The following SVOPL variants were observed in gnomAD, a reference collection of about 807,000 sequenced individuals.
SVOPL encodes the protein putative transporter SVOPL.
SVOPL carries 60 observed loss-of-function variants against 61.0 expected under a neutral mutation model. The observed-to-expected ratio is 0.98, with a 90% CI of 0.80 to 1.22. The LOEUF is 1.22. SVOPL is among the 50% of genes most tolerant of loss of function. The probability of loss-of-function intolerance (pLI) is 0.00; values close to 1 mark genes in which losing one functional copy is unlikely to be tolerated. For synonymous variants in SVOPL, 279 were observed against 250.0 expected, an observed-to-expected ratio of 1.12 and a Z score of -1.09; for missense variants, 662 against 643.9, an observed-to-expected ratio of 1.03 and a Z score of -0.30.
At chr7:138,676,206 C>T (rs560777825) in intron 3 of SVOPL, among the ~76,000 whole-genome samples, 2 of 152,336 alleles carry the variant, frequency 1.3e-5, no homozygotes, top group East Asian at 3.9e-4. Flanking sequence ...GGTTCACAGA[C>T]ATCACCACTG....
At chr7:138,671,884 G>C in intron 4 of SVOPL, 135 bp downstream of exon 4, 1 of 704,744 alleles carries the variant, frequency 1.4e-6, no homozygotes, top group Non-Finnish European at 2.4e-6. Flanking sequence ...GACATCAAAT[G>C]CTGCAAACCC....
At chr7:138,656,790 C>G (rs1323481343) in intron 6 of SVOPL, among the ~76,000 whole-genome samples, 3 of 152,176 alleles carry the variant, frequency 2.0e-5, no homozygotes, top group Non-Finnish European at 4.4e-5. Context: ...CACCTGTAAT[C>G]TCTGCACTTT....
intron 5 of SVOPL, chr7:138,662,369 G>A (rs11772054): frequency 0.021 from 20,353 of 985,372 alleles, 240 homozygotes; most frequent in Middle Eastern, 0.024. Context: ...AAACAGATAG[G>A]TGCCTGAGGG....
At chr7:138,652,066 A>AT (rs1018544428) in intron 7 of SVOPL, among the ~76,000 whole-genome samples, 7 of 144,428 alleles carry the variant, frequency 4.8e-5, no homozygotes, top group South Asian at 2.2e-4. Context: ...CACCCAGCCA[A>AT]TTTTTTTTTC....
intron 8 of SVOPL, 77 bp downstream of exon 8, chr7:138,648,935 A>G (rs1801277202): frequency 6.3e-7 from 1 of 1,593,788 alleles, no homozygotes. Context: ...GGGGAAAATA[A>G]AAGATATTTG....
intron 3 of SVOPL, among the ~76,000 whole-genome samples, chr7:138,673,352 A>G (rs1255069811): frequency 6.6e-6 from 1 of 152,184 alleles, no homozygotes; most frequent in Non-Finnish European, 1.5e-5. Context: ...ATCAGAAGTA[A>G]GAGAGCATAA....
chr7:138,665,968 G>A (rs11972681), intron 4 of SVOPL, among the ~76,000 whole-genome samples: 14,535 of 152,154 alleles, frequency 0.096, 1,238 homozygotes, highest in African/African-American at 0.22. Flanking sequence ...TTGAGCCCAG[G>A]AGCTCAAGGC....
intron 7 of SVOPL, among the ~76,000 whole-genome samples, chr7:138,651,740 A>G (rs931807250): frequency 6.6e-6 from 1 of 152,104 alleles, no homozygotes; most frequent in Non-Finnish European, 1.5e-5. Flanking sequence ...TATGAACTCA[A>G]TAGATGCTGT....
chr7:138,661,758 A>C, intron 5 of SVOPL: 1 of 878,196 alleles, frequency 1.1e-6, no homozygotes, highest in African/African-American at 1.8e-5. Flanking sequence ...TAAAAAACCC[A>C]CTTGTAACTG....
intron 1 of SVOPL, among the ~76,000 whole-genome samples, chr7:138,700,493 C>A (rs562816449): frequency 6.6e-6 from 1 of 152,052 alleles, no homozygotes; most frequent in East Asian, 1.9e-4. Flanking sequence ...CACCCACCAC[C>A]ATGCATGGCT....
At chr7:138,674,018 C>G (rs1024887703) in intron 3 of SVOPL, among the ~76,000 whole-genome samples, 1 of 151,948 alleles carries the variant, frequency 6.6e-6, no homozygotes, top group African/African-American at 2.4e-5. Flanking sequence ...AACCCTGTCT[C>G]TACTAAAAAT....
At chr7:138,618,758 A>G (rs1799417066) in intron 14 of SVOPL, among the ~76,000 whole-genome samples, 1 of 152,314 alleles carries the variant, frequency 6.6e-6, no homozygotes, top group Admixed American at 6.5e-5. Context: ...GGAAAGAAAG[A>G]AAAAAGAAAA....
rs1177090237 is a variant in SVOPL, at chr7:138,622,451, T to C, written c.1264-1316A>G. On this transcript the variant is annotated intron_variant, in intron 13 of 15. Coordinates refer to ENST00000674285, the MANE Select transcript of SVOPL (RefSeq NM_001139456.2). ...CTGGGATTACAGGCATGCACCACCG[T>C]GCCTGGCTAATTTTTGTATTTTTAG... Among the ~76,000 whole-genome samples, 8 of 151,298 alleles carry C rather than the reference T, an allele frequency of 5.3e-5. No homozygotes were observed. The East Asian group carries it at 1.6e-3, about 29-fold the overall frequency.
Position 138,678,431 on chromosome 7 carries a change from C to T in SVOPL, c.174+3G>A. 1.3e-6 allele frequency: 2 copies of T among 1,549,890 alleles called. No individual in the cohort carries two copies. The highest frequency in any genetic ancestry group is 1.7e-6 in the Non-Finnish European group (2 of 1,146,438). On this transcript the variant is annotated splice_donor_region_variant and intron_variant, in intron 3 of 15. Transcript: ENST00000674285. ...TTCGTCAACATCTCGAAGGAGCACT[C>T]ACCCCAGTACTGCCCATGATCAGAA... is the stretch of plus-strand genomic sequence containing the variant.
chr7:138,628,054 G>A (rs1799971153), intron 11 of SVOPL, 104 bp downstream of exon 11: 2 of 1,331,416 alleles, frequency 1.5e-6, no homozygotes, highest in African/African-American at 1.4e-5. Flanking sequence ...ATTCAGTTCT[G>A]CTAGGCAGGA....
intron 1 of SVOPL, among the ~76,000 whole-genome samples, chr7:138,686,462 A>G (rs905426083): frequency 4.7e-5 from 7 of 150,522 alleles, no homozygotes; most frequent in African/African-American, 1.7e-4. Flanking sequence ...TAGCACATCA[A>G]GGTCATTAAT....
intron 11 of SVOPL, 152 bp downstream of exon 11, chr7:138,628,006 A>G (rs1799969042): frequency 1.2e-6 from 1 of 854,158 alleles, no homozygotes; most frequent in South Asian, 1.7e-5. Flanking sequence ...GCCAACACCA[A>G]TCCAAACTGG....
At chr7:138,622,026 C>CTATG (rs1563095975) in intron 13 of SVOPL, among the ~76,000 whole-genome samples, 4 of 76,010 alleles carry the variant, frequency 5.3e-5, no homozygotes, top group Non-Finnish European at 1.2e-4. Context: ...ATGTATCTAT[C>CTATG]TATCTATCTA....
rs1198305579 is a variant in SVOPL, at chr7:138,628,306, C to G, written c.921G>C (p.Glu307Asp). 6.2e-7 allele frequency: 1 copy of G among 1,614,190 alleles called. No homozygotes were observed. The highest frequency in any genetic ancestry group is 8.5e-7 in the Non-Finnish European group (1 of 1,180,046). The change falls in exon 11 of 16, where the codon GAG (glutamate) becomes GAC (aspartate). Residue 307 changes from glutamate (E) to aspartate (D), a missense_variant. By Grantham distance (45) the Glu-to-Asp change is conservative. Transcript: ENST00000674285. The stretch of plus-strand genomic sequence containing the variant: ...ACTTTGAACCACAGACCAAGTCCCG[C>G]TCCAGCAGCTCAGCACTGGCCAGGA... ...GVILASAELL[E>D]RDLVCGSKSD...
Sources: gnomAD v4.1 joint callset for allele counts (sites outside exome capture counted in the v4.1 genomes callset) on GRCh38, gnomAD v4.1.1 for gene constraint, MANE v1.5 for transcripts, NCBI Gene and HGNC (gene_info 2026-07-23, HGNC 2026-07-21) for gene names.